Variants in PIGS observed in about 807,000 individuals in gnomAD.
PIGS encodes the protein GPI-anchor transamidase component PIGS.
A neutral mutation model predicts 58.2 loss-of-function variants in PIGS; 37 were observed. That is an observed-to-expected ratio of 0.64 (90% CI 0.49 to 0.84). The LOEUF (loss-of-function observed/expected upper bound fraction) is 0.84. PIGS is among the 40% of genes least tolerant of loss of function. The pLI, the probability that PIGS is intolerant of heterozygous loss-of-function variation, is 0.00. For missense variants in PIGS, 629 were observed against 710.8 expected, an observed-to-expected ratio of 0.88 and a Z score of 1.31; for synonymous variants, 269 against 289.2, an observed-to-expected ratio of 0.93 and a Z score of 0.71.
chr17:28,566,883 G>A (rs1412376551), intron 3 of PIGS, among the ~76,000 whole-genome samples: 2 of 152,158 alleles, frequency 1.3e-5, no homozygotes, highest in Non-Finnish European at 2.9e-5. Context: ...GTGAGCCACT[G>A]TGCCTGGCCA....
chr17:28,561,322 G>A, intron 6 of PIGS, 100 bp downstream of exon 6: 4 of 915,868 alleles, frequency 4.4e-6, no homozygotes, highest in Non-Finnish European at 6.2e-6. Context: ...AAAAAATTGA[G>A]ACTAGAGAAG....
chr17:28,568,682 G>A (rs529536606), intron 3 of PIGS, among the ~76,000 whole-genome samples: 6 of 152,048 alleles, frequency 3.9e-5, no homozygotes, highest in Non-Finnish European at 8.8e-5. Context: ...TATACTATAC[G>A]TTTACAGTAT....
intron 3 of PIGS, among the ~76,000 whole-genome samples, chr17:28,567,197 C>A (rs1287798905): frequency 6.6e-6 from 1 of 152,110 alleles, no homozygotes; most frequent in African/African-American, 2.4e-5. Context: ...CAAAATGGAA[C>A]AACTAGCCAT....
rs762081304 is a variant in PIGS at position 28,570,922 on chromosome 17, C to T, written c.216G>A (p.Glu72=). 5.6e-6 allele frequency: 9 copies of T among 1,614,224 alleles called. No homozygotes were observed. The highest frequency in any genetic ancestry group is 4.4e-5 in the South Asian group (4 of 91,088). The change falls in exon 3 of 12, where the codon GAG becomes GAA. Residue 72 remains glutamate (E), a synonymous_variant. Coordinates refer to ENST00000308360, the MANE Select transcript of PIGS (RefSeq NM_033198.4). ...TCTCCTGGTCGTCCAGGGGCACTGA[C>T]TCCCGCGTAAACACGACAGTGACAG... ...MVPVTVVFTR[E]SVPLDDQEKL... is the part of the protein sequence containing the mutation.
At chr17:28,558,139 T>TA (rs888060203) in intron 8 of PIGS, among the ~76,000 whole-genome samples, 1 of 152,002 alleles carries the variant, frequency 6.6e-6, no homozygotes, top group African/African-American at 2.4e-5. Context: ...ATCCTGTCTC[T>TA]AAAAAAAATT....
rs754740985 is a variant in PIGS, at chr17:28,555,087, AG to A, written c.1182-27del. The stretch of plus-strand genomic sequence containing the variant: ...CTGTAGGAACATCGGAGTAAGATCA[AG>A]GTGGCTGAGACCACAAGGCGGGAGA... On this transcript the variant is annotated intron_variant, in intron 10 of 11. Transcript: ENST00000308360. The A allele has an allele frequency of 3.8e-5, 60 of 1,583,174 alleles. No individual in the cohort carries two copies. In the South Asian group the frequency reaches 6.3e-4, roughly 17 times the overall value.
At chr17:28,559,744 C>T (rs1171802006) in intron 7 of PIGS, among the ~76,000 whole-genome samples, 1 of 146,770 alleles carries the variant, frequency 6.8e-6, no homozygotes, top group Non-Finnish European at 1.5e-5. Flanking sequence ...GCATTAACAT[C>T]TAAGCACAAT....
chr17:28,553,920 GAACA>G lies in PIGS; in HGVS notation c.*296_*299del, dbSNP rs2070307082. The G allele has an allele frequency of 2.4e-6, 1 of 414,476 alleles. No individual in the cohort carries two copies. 25.7% of individuals were successfully genotyped at this position (414,476 alleles called of 1,614,324 possible). A position where few individuals can be genotyped will look rare whatever the true frequency, so the allele number is the denominator to read the frequency against. On this transcript the variant is annotated 3_prime_UTR_variant, in exon 12 of 12. Transcript: ENST00000308360. ...TGCTATGTTGAGAAATGGGGCAAAAGAACAAACAGTCCTTGCCACAGAGGGAGAC... is the reference window on the plus strand; with the variant it reads ...TGCTATGTTGAGAAATGGGGCAAAAGAACAGTCCTTGCCACAGAGGGAGAC...
intron 5 of PIGS, among the ~76,000 whole-genome samples, chr17:28,563,143 T>TA (rs1444985301): frequency 6.6e-6 from 1 of 152,056 alleles, no homozygotes; most frequent in Admixed American, 6.5e-5. Flanking sequence ...CCATTTCTAC[T>TA]AAAAATACAT....
At chr17:28,568,969 C>T (rs936679499) in intron 3 of PIGS, among the ~76,000 whole-genome samples, 3 of 151,796 alleles carry the variant, frequency 2.0e-5, no homozygotes, top group East Asian at 1.9e-4. Context: ...TGGTGGCAGG[C>T]GCCTGTAATC....
chr17:28,561,846 G>T, intron 5 of PIGS: 2 of 534,708 alleles, frequency 3.7e-6, no homozygotes. Flanking sequence ...CAGTTGACAT[G>T]GGTCCAGGCA....
chr17:28,556,087 G>T, intron 10 of PIGS, 79 bp downstream of exon 10: 1 of 1,351,420 alleles, frequency 7.4e-7, no homozygotes, highest in Non-Finnish European at 1.1e-6. Context: ...TCCCTGCCAG[G>T]TAAGACTTGA....
chr17:28,563,292 C>CAA, intron 5 of PIGS, 139 bp downstream of exon 5: 187 of 536,174 alleles, frequency 3.5e-4, no homozygotes, highest in East Asian at 5.1e-4. Context: ...GACTCCGTCT[C>CAA]AAAAAAAAAA....
At chr17:28,571,023 C>G in intron 2 of PIGS, 26 bp downstream of exon 2, 3 of 1,614,150 alleles carry the variant, frequency 1.9e-6, no homozygotes, top group Non-Finnish European at 2.5e-6. Flanking sequence ...GGGCTGTCCC[C>G]CGACCCTCCC....
At position 28,561,444 on chromosome 17, in the gene PIGS, C is replaced by T; in HGVS notation, c.654G>A (p.Arg218=). The change falls in exon 6 of 12, where the codon AGG becomes AGA. Residue 218 remains arginine, a synonymous_variant. Transcript: ENST00000308360. ...TACCCAAGCTGGACTTGAGAGGCCG[C>T]CTCTTCTCAGCGCTCCACTTGTCCT... ...LPEDKWSAEK[R]RPLKSSLGYE... The T allele has an allele frequency of 1.9e-6, 3 of 1,614,016 alleles. No individual in the cohort carries two copies. The highest frequency in any genetic ancestry group is 2.2e-5 in the South Asian group (2 of 91,070).
chr17:28,561,509 C>T lies in PIGS; in HGVS notation c.589G>A (p.Glu197Lys). Residue 197 changes from glutamate (E) to lysine (K), a missense_variant, in exon 6 of 12, where the codon GAG becomes AAG. By Grantham distance (56) the Glu-to-Lys change is moderately conservative. Coordinates refer to ENST00000308360, the MANE Select transcript of PIGS (RefSeq NM_033198.4). ...VQVAQAMSLT[E>K]DVLAAALADH... ...GCCAGAGCAGCAGCAAGCACATCCTCAGTCAAAGACATGGCCTGGGCCACC... is the reference window on the plus strand; with the variant it reads ...GCCAGAGCAGCAGCAAGCACATCCTTAGTCAAAGACATGGCCTGGGCCACC... 6.2e-7 allele frequency: 1 copy of T among 1,614,156 alleles called. No homozygotes were observed. Among genetic ancestry groups the T allele is most frequent in the Non-Finnish European group, 8.5e-7 (1 of 1,179,984 alleles).
chr17:28,554,979 C>T lies in PIGS; in HGVS notation c.1264G>A (p.Glu422Lys). 1 of 1,611,486 alleles carries T rather than the reference C, an allele frequency of 6.2e-7. No homozygotes were observed. The highest frequency in any genetic ancestry group is 8.5e-7 in the Non-Finnish European group (1 of 1,178,548). ...CGAGCCCAGAGCAGCCGGTCTAGCTCCCAGGTCATTAGCCCTTCACTCGTA... is the reference window on the plus strand; with the variant it reads ...CGAGCCCAGAGCAGCCGGTCTAGCTTCCAGGTCATTAGCCCTTCACTCGTA... ...GPTSEGLMTW[E>K]LDRLLWARSV... The change falls in exon 11 of 12, where the codon GAG becomes AAG. Residue 422 changes from glutamate (E) to lysine (K), a missense_variant. Coordinates refer to ENST00000308360, the MANE Select transcript of PIGS (RefSeq NM_033198.4).
chr17:28,563,970 A>G, intron 3 of PIGS, 63 bp from the exon 4 acceptor site: 1 of 1,411,226 alleles, frequency 7.1e-7, no homozygotes, highest in Non-Finnish European at 1.0e-6. Context: ...CCACCTTCCC[A>G]GACCTAACAC....
rs1189943809 is a variant in PIGS, at chr17:28,571,033, C to T, written c.174+16G>A. On this transcript the variant is annotated intron_variant, in intron 2 of 11. Coordinates refer to ENST00000308360, the MANE Select transcript of PIGS (RefSeq NM_033198.4). The stretch of plus-strand genomic sequence containing the variant: ...CGGGGGGGCTGTCCCCCGACCCTCC[C>T]GCACAGCAGTCTCACCTGAAGGGCA... 4.3e-6 allele frequency: 7 copies of T among 1,614,028 alleles called. No homozygotes were observed. Among genetic ancestry groups the T allele is most frequent in the Non-Finnish European group, 5.9e-6 (7 of 1,180,030 alleles).
Sources: gnomAD v4.1 joint callset for allele counts (sites outside exome capture counted in the v4.1 genomes callset) on GRCh38, gnomAD v4.1.1 for gene constraint, MANE v1.5 for transcripts, NCBI Gene and HGNC (gene_info 2026-07-23, HGNC 2026-07-21) for gene names.